Variants in DENND4C observed in about 807,000 individuals in gnomAD.
The protein encoded by DENND4C is DENN domain-containing protein 4C.
A neutral mutation model predicts 203.0 loss-of-function variants in DENND4C; 108 were observed. That is an observed-to-expected ratio of 0.53 (90% confidence interval 0.46 to 0.62). DENND4C has a LOEUF of 0.62. Among genes scored for constraint, DENND4C ranks in the 20% least tolerant of loss-of-function variants. DENND4C has a pLI of 0.00. For missense variants in DENND4C, 2,481 were observed against 2,301.2 expected, an observed-to-expected ratio of 1.08 and a Z score of -1.60; for synonymous variants, 871 against 792.4, an observed-to-expected ratio of 1.10 and a Z score of -1.67.
chr9:19,332,322 G>A, intron 17 of DENND4C, 138 bp downstream of exon 17: 1 of 652,540 alleles, frequency 1.5e-6, no homozygotes, highest in Non-Finnish European at 2.6e-6. Context: ...CTGTTTCATG[G>A]AGCTGGTGCA....
rs1829015665 is a variant in DENND4C, at chr9:19,372,556, C to G, written c.*383C>G. 1 of 161,404 alleles carries G rather than the reference C, an allele frequency of 6.2e-6. No homozygotes were observed. Among genetic ancestry groups the G allele is most frequent in the South Asian group, 1.8e-4 (1 of 5,604 alleles). The allele number at this position is 161,404 out of a possible 1,614,324, so 10.0% of individuals were successfully genotyped here. On this transcript the variant is annotated 3_prime_UTR_variant, in exon 33 of 33. Coordinates refer to ENST00000434457, the MANE Select transcript of DENND4C (RefSeq NM_001330640.2). ...AATTAAATTTGCCTAACCCCCAAAA[C>G]AAATGAAATATCTCAATTATAAAAG...
intron 16 of DENND4C, 65 bp downstream of exon 16, chr9:19,328,227 C>T (rs185078346): frequency 1.4e-6 from 2 of 1,425,574 alleles, no homozygotes; most frequent in African/African-American, 1.5e-5. Context: ...TGATATGCAG[C>T]TCATAGTTTA....
chr9:19,295,746 A>G (rs1261439385), intron 5 of DENND4C, among the ~76,000 whole-genome samples: 1 of 152,072 alleles, frequency 6.6e-6, no homozygotes, highest in Admixed American at 6.5e-5. Context: ...TCATTCTCTA[A>G]TGCTTAAGTT....
rs570341949 is a variant in DENND4C at position 19,314,923 on chromosome 9, A to G, written c.1488-1494A>G. 9.5e-4 allele frequency among the ~76,000 whole-genome samples: 145 copies of G among 152,024 alleles called. 1 individual carries two copies. The highest frequency in any genetic ancestry group is 3.2e-3 in the African/African-American group (133 of 41,338). On this transcript the variant is annotated intron_variant, in intron 10 of 32. Coordinates refer to ENST00000434457, the MANE Select transcript of DENND4C (RefSeq NM_001330640.2). ...ATGCCTGTAATCCCAGCACTTTGGG[A>G]GGCCGAGGTGGGCGTATCACATGAG...
chr9:19,355,804 A>G (rs1031727044), intron 26 of DENND4C, among the ~76,000 whole-genome samples: 1 of 152,104 alleles, frequency 6.6e-6, no homozygotes, highest in Non-Finnish European at 1.5e-5. Context: ...GTTTTCTTTG[A>G]GATTTATAGA....
intron 15 of DENND4C, among the ~76,000 whole-genome samples, chr9:19,326,617 A>G (rs764422336): frequency 6.6e-6 from 1 of 152,136 alleles, no homozygotes; most frequent in Admixed American, 6.5e-5. Context: ...CTTTTAAGAA[A>G]TTAGAATGGA....
At chr9:19,252,301 C>G (rs965850423) in intron 1 of DENND4C, among the ~76,000 whole-genome samples, 1 of 152,066 alleles carries the variant, frequency 6.6e-6, no homozygotes, top group South Asian at 2.1e-4. Context: ...TGGGAAAGAC[C>G]CTCCCCTGTG....
At chr9:19,232,819 A>C (rs1820911036) in intron 1 of DENND4C, among the ~76,000 whole-genome samples, 1 of 152,198 alleles carries the variant, frequency 6.6e-6, no homozygotes, top group Admixed American at 6.5e-5. Context: ...ATAAAAGTGG[A>C]TTTGTAGCTA....
chr9:19,366,320 G>A (rs897336701), intron 30 of DENND4C, among the ~76,000 whole-genome samples: 1 of 152,156 alleles, frequency 6.6e-6, no homozygotes, highest in Non-Finnish European at 1.5e-5. Flanking sequence ...TAGTCTTTTC[G>A]GCCGGGTGCA....
chr9:19,337,831 C>T (rs943840957), intron 20 of DENND4C, among the ~76,000 whole-genome samples: 26 of 152,226 alleles, frequency 1.7e-4, no homozygotes, highest in African/African-American at 6.0e-4. Context: ...TTGAAAATAT[C>T]CAGCTAACTT....
At chr9:19,283,955 G>A (rs1169427443) in intron 2 of DENND4C, among the ~76,000 whole-genome samples, 1 of 152,000 alleles carries the variant, frequency 6.6e-6, no homozygotes, top group African/African-American at 2.4e-5. Context: ...TCTTCCCTTT[G>A]TCAGATTCAT....
At chr9:19,232,964 A>G (rs1255700068) in intron 1 of DENND4C, among the ~76,000 whole-genome samples, 2 of 151,680 alleles carry the variant, frequency 1.3e-5, no homozygotes, top group African/African-American at 2.4e-5. Flanking sequence ...CTGGTTTTGC[A>G]TTGGCTTTGC....
chr9:19,270,449 T>C (rs940503556), intron 1 of DENND4C, among the ~76,000 whole-genome samples: 8 of 152,188 alleles, frequency 5.3e-5, no homozygotes, highest in Admixed American at 3.3e-4. Flanking sequence ...CTTGGTGCTT[T>C]ATTTTACTGT....
chr9:19,238,490 T>TCCCCCTTCC (rs1355558734), intron 1 of DENND4C, among the ~76,000 whole-genome samples: 1 of 11,362 alleles, frequency 8.8e-5, no homozygotes, highest in Non-Finnish European at 1.4e-4. Context: ...CTCCCCCTTC[T>TCCCCCTTCC]CCTCCCCTCC....
At chr9:19,351,577 C>T (rs559880814) in intron 24 of DENND4C, among the ~76,000 whole-genome samples, 54 of 152,090 alleles carry the variant, frequency 3.6e-4, no homozygotes, top group African/African-American at 1.3e-3. Flanking sequence ...GGAGGCAAGG[C>T]GGGTGGATTG....
intron 1 of DENND4C, among the ~76,000 whole-genome samples, chr9:19,264,459 AC>A (rs1465261087): frequency 6.6e-6 from 1 of 151,988 alleles, no homozygotes; most frequent in East Asian, 1.9e-4. Context: ...GGTGCCTGCC[AC>A]CATGCCTGGC....
At position 19,316,698 on chromosome 9, in the gene DENND4C, A is replaced by G. The variant is rs1237128131; in HGVS notation, c.1666A>G (p.Thr556Ala). Residue 556 changes from threonine to alanine, a missense_variant, in exon 12 of 33, where the codon ACA becomes GCA. Physicochemically the swap from Thr to Ala is moderately conservative, Grantham distance 58 (BLOSUM62 0). Around this residue, in one of 3 missense-constraint regions of DENND4C, gnomAD observed 2,289 missense variants for 2,113.3 expected, o/e 1.08. Transcript: ENST00000434457. ...AGATTTCTCCTGGCAAAAGAAGATG[A>G]CACAGCTTGAGATGGAAATTCAAGA... ...EADFSWQKKM[T>A]QLEMEIQEAF... is the part of the protein sequence containing the mutation. The G allele has an allele frequency of 1.2e-6, 2 of 1,614,138 alleles. No homozygotes were observed. The highest frequency in any genetic ancestry group is 2.2e-5 in the South Asian group (2 of 91,080).
chr9:19,290,872 A>T lies in DENND4C; in HGVS notation c.797A>T (p.Lys266Ile). 2.5e-6 allele frequency: 4 copies of T among 1,612,924 alleles called. No homozygotes were observed. Among genetic ancestry groups the T allele is most frequent in the Non-Finnish European group, 2.5e-6 (3 of 1,179,458 alleles). The change falls in exon 5 of 33, where the codon AAA (lysine) becomes ATA (isoleucine). Residue 266 changes from lysine (K) to isoleucine (I), a missense_variant. Around this residue, in one of 3 missense-constraint regions of DENND4C, gnomAD observed 2,289 missense variants for 2,113.3 expected, o/e 1.08. Transcript: ENST00000434457. Reference sequence around the variant, plus strand: ...TTTGTCTTGACAGGTTCTTCAGCCAAAAAGGTATGTTTTTGTCTCATTGAT... The same window carrying T: ...TTTGTCTTGACAGGTTCTTCAGCCATAAAGGTATGTTTTTGTCTCATTGAT... ...STFVLTGSSAKKVYGAAIQFY... is the reference protein window; with the variant it reads ...STFVLTGSSAIKVYGAAIQFY...
At chr9:19,341,598 C>T (rs1266511790) in intron 21 of DENND4C, among the ~76,000 whole-genome samples, 1 of 151,984 alleles carries the variant, frequency 6.6e-6, no homozygotes, top group East Asian at 1.9e-4. Flanking sequence ...GTGTGAGCCA[C>T]CACACCTGGC....
Sources: gnomAD v4.1 joint callset for allele counts (sites outside exome capture counted in the v4.1 genomes callset) on GRCh38, gnomAD v4.1.1 for gene constraint, gnomAD v4.1.1 regional missense constraint, MANE v1.5 for transcripts, NCBI Gene and HGNC (gene_info 2026-07-23, HGNC 2026-07-21) for gene names.